NRXN1: variants seen among roughly 807,000 people sequenced by gnomAD.
NRXN1 encodes the protein neurexin-1.
A neutral mutation model predicts 150.9 loss-of-function variants in NRXN1; 39 were observed. The ratio of observed to expected loss-of-function variants is 0.26; its 90% CI spans 0.20 to 0.34. NRXN1 has a LOEUF of 0.34. NRXN1 is among the 10% of genes least tolerant of loss of function. NRXN1 has a pLI of 1.00. For synonymous variants in NRXN1, 924 were observed against 757.0 expected, an observed-to-expected ratio of 1.22 and a Z score of -3.62; for missense variants, 1,815 against 1,949.9, an observed-to-expected ratio of 0.93 and a Z score of 1.30.
At chr2:50,782,567 T>C (rs1194661111) in intron 5 of NRXN1, among the ~76,000 whole-genome samples, 17 of 152,150 alleles carry the variant, frequency 1.1e-4, no homozygotes, top group East Asian at 1.9e-4. Context: ...TACTTTTGTA[T>C]AGTGTGCTAA....
intron 18 of NRXN1, among the ~76,000 whole-genome samples, chr2:50,203,845 C>T (rs1009578808): frequency 1.2e-4 from 18 of 151,972 alleles, no homozygotes; most frequent in Non-Finnish European, 1.8e-4. Flanking sequence ...ACAGCTTTAT[C>T]GTATTAAATT....
At chr2:50,454,431 T>A (rs2087319242) in intron 17 of NRXN1, among the ~76,000 whole-genome samples, 1 of 152,016 alleles carries the variant, frequency 6.6e-6, no homozygotes, top group Non-Finnish European at 1.5e-5. Flanking sequence ...AAATCCATCA[T>A]CTCCCATGAT....
intron 5 of NRXN1, among the ~76,000 whole-genome samples, chr2:50,729,626 A>G (rs941037533): frequency 2.6e-5 from 4 of 152,190 alleles, no homozygotes; most frequent in African/African-American, 9.6e-5. Context: ...GCTGTCCTCA[A>G]TGATTTGCTC....
intron 3 of NRXN1, 27 bp from the exon 4 acceptor site, chr2:50,922,714 G>A (rs1421360307): frequency 6.2e-7 from 1 of 1,608,542 alleles, no homozygotes; most frequent in East Asian, 2.3e-5. Flanking sequence ...AGCACAGTCA[G>A]CAATAAACAA....
intron 5 of NRXN1, among the ~76,000 whole-genome samples, chr2:50,871,107 T>C (rs1439688264): frequency 6.6e-6 from 1 of 151,872 alleles, no homozygotes; most frequent in African/African-American, 2.4e-5. Flanking sequence ...GAAAAGTCTA[T>C]TAATCAGATC....
intron 21 of NRXN1, among the ~76,000 whole-genome samples, chr2:49,975,737 A>T (rs1678850774): frequency 6.6e-6 from 1 of 152,202 alleles, no homozygotes; most frequent in Admixed American, 6.5e-5. Context: ...ATAATAAAAC[A>T]TCAACACTAA....
intron 2 of NRXN1, among the ~76,000 whole-genome samples, chr2:50,973,360 A>G (rs77302210): frequency 0.018 from 2,752 of 152,246 alleles, 89 homozygotes; most frequent in African/African-American, 0.064. Context: ...TTACTAGGGA[A>G]GCCAATTGTT....
intron 2 of NRXN1, among the ~76,000 whole-genome samples, chr2:50,930,608 C>T (rs72891352): frequency 0.027 from 4,107 of 152,186 alleles, 223 homozygotes; most frequent in African/African-American, 0.093. Flanking sequence ...TTGATAATCT[C>T]AGTTCTTCCC....
intron 17 of NRXN1, among the ~76,000 whole-genome samples, chr2:50,292,835 T>G (rs1288506393): frequency 6.6e-6 from 1 of 152,210 alleles, no homozygotes; most frequent in Non-Finnish European, 1.5e-5. Context: ...TGCCAAATCT[T>G]GATTCATTAT....
chr2:51,031,695 T>G lies in NRXN1; in HGVS notation c.-922+286A>C, dbSNP rs997847872. 3.3e-5 allele frequency among the ~76,000 whole-genome samples: 5 copies of G among 152,128 alleles called. No individual in the cohort carries two copies. The East Asian group carries it at 9.6e-4, about 29-fold the overall frequency. ...GTAGGGAAGGAAATATATGGAGAGATATTTTATTGCTTTGATATCTAGCCT... is the reference window on the plus strand; with the variant it reads ...GTAGGGAAGGAAATATATGGAGAGAGATTTTATTGCTTTGATATCTAGCCT... On this transcript the variant is annotated intron_variant, in intron 1 of 22. Transcript: ENST00000401669.
At chr2:49,992,041 A>C (rs1682057252) in intron 21 of NRXN1, among the ~76,000 whole-genome samples, 1 of 152,234 alleles carries the variant, frequency 6.6e-6, no homozygotes, top group South Asian at 2.1e-4. Context: ...CATATGAAAA[A>C]TAATTTAGAG....
At chr2:50,374,132 A>G (rs1019649218) in intron 17 of NRXN1, among the ~76,000 whole-genome samples, 3 of 151,352 alleles carry the variant, frequency 2.0e-5, no homozygotes, top group Non-Finnish European at 4.4e-5. Flanking sequence ...CTCTATTTCA[A>G]AAAGAAGAAA....
chr2:50,933,463 G>T (rs1215041658), intron 2 of NRXN1, among the ~76,000 whole-genome samples: 2 of 152,044 alleles, frequency 1.3e-5, no homozygotes, highest in African/African-American at 2.4e-5. Context: ...TAATTCTTTT[G>T]CAGGAAGAAA....
At chr2:50,301,196 C>A (rs1321542159) in intron 17 of NRXN1, among the ~76,000 whole-genome samples, 2 of 152,206 alleles carry the variant, frequency 1.3e-5, no homozygotes, top group Non-Finnish European at 2.9e-5. Flanking sequence ...TCTTTTCCTG[C>A]ATCAGAACTT....
chr2:50,733,833 A>C (rs1401949882), intron 5 of NRXN1, among the ~76,000 whole-genome samples: 1 of 152,328 alleles, frequency 6.6e-6, no homozygotes, highest in East Asian at 1.9e-4. Context: ...ACTAGCAAAG[A>C]TTATAGTTTT....
intron 18 of NRXN1, among the ~76,000 whole-genome samples, chr2:50,225,179 A>G (rs1193307446): frequency 6.6e-6 from 1 of 151,962 alleles, no homozygotes; most frequent in Non-Finnish European, 1.5e-5. Context: ...ACTGTACCTC[A>G]TACTATGCTC....
intron 12 of NRXN1, among the ~76,000 whole-genome samples, chr2:50,512,959 C>T (rs1258426039): frequency 6.6e-6 from 1 of 152,066 alleles, no homozygotes; most frequent in Non-Finnish European, 1.5e-5. Flanking sequence ...GGGAGATCTG[C>T]ATGCATCATA....
chr2:50,682,820 A>G (rs1690612096), intron 5 of NRXN1, among the ~76,000 whole-genome samples: 1 of 152,158 alleles, frequency 6.6e-6, no homozygotes. Flanking sequence ...TTTTAAAGAT[A>G]TAGCTTATAT....
At chr2:50,516,748 T>G (rs1453971006) in intron 12 of NRXN1, among the ~76,000 whole-genome samples, 1 of 75,244 alleles carries the variant, frequency 1.3e-5, no homozygotes. Flanking sequence ...CATAAAGAGA[T>G]GCTTGCCTCC....
Sources: gnomAD v4.1 joint callset for allele counts (sites outside exome capture counted in the v4.1 genomes callset) on GRCh38, gnomAD v4.1.1 for gene constraint, MANE v1.5 for transcripts, NCBI Gene and HGNC (gene_info 2026-07-23, HGNC 2026-07-21) for gene names.